The following TRPC7 variants were observed in gnomAD, a reference collection of about 807,000 sequenced individuals.
The protein encoded by TRPC7 is short transient receptor potential channel 7.
Under a neutral mutation model 90.1 loss-of-function variants are expected in TRPC7, and 42 were observed. That is an observed-to-expected ratio of 0.47 (90% CI 0.36 to 0.60). TRPC7 has a LOEUF of 0.60. Ranked by LOEUF, TRPC7 falls within the 20% of genes least tolerant of loss-of-function variation. TRPC7 has a pLI of 0.00. For synonymous variants in TRPC7, 451 were observed against 436.3 expected, an observed-to-expected ratio of 1.03 and a Z score of -0.42; for missense variants, 955 against 1,112.3, an observed-to-expected ratio of 0.86 and a Z score of 2.01.
chr5:136,321,625 A>G (rs938457231), intron 2 of TRPC7, among the ~76,000 whole-genome samples: 2 of 152,210 alleles, frequency 1.3e-5, no homozygotes, highest in Non-Finnish European at 2.9e-5. Context: ...GGCAATTTAC[A>G]TGATTTCAAA....
chr5:136,343,926 G>A (rs1759924419), intron 2 of TRPC7, among the ~76,000 whole-genome samples: 1 of 152,162 alleles, frequency 6.6e-6, no homozygotes, highest in African/African-American at 2.4e-5. Context: ...AAGCATTATT[G>A]TGTATATACC....
At chr5:136,319,237 A>G (rs1249554036) in intron 2 of TRPC7, among the ~76,000 whole-genome samples, 1 of 152,086 alleles carries the variant, frequency 6.6e-6, no homozygotes, top group Non-Finnish European at 1.5e-5. Context: ...GAAAAGTCCC[A>G]CATGTTCACA....
intron 7 of TRPC7, among the ~76,000 whole-genome samples, chr5:136,239,755 C>T (rs1403827984): frequency 1.3e-5 from 2 of 152,266 alleles, no homozygotes; most frequent in Non-Finnish European, 1.5e-5. Context: ...ATCTATCTAG[C>T]TCAGCTCCTT....
intron 2 of TRPC7, among the ~76,000 whole-genome samples, chr5:136,341,073 A>G (rs1759828835): frequency 1.3e-5 from 2 of 152,210 alleles, no homozygotes; most frequent in Admixed American, 1.3e-4. Context: ...TCAATCTCTT[A>G]TATAGTTTTC....
At chr5:136,344,433 T>C (rs1187209562) in intron 2 of TRPC7, among the ~76,000 whole-genome samples, 1 of 152,126 alleles carries the variant, frequency 6.6e-6, no homozygotes, top group Non-Finnish European at 1.5e-5. Context: ...GAACCTAAAA[T>C]AAAAGTTAAA....
chr5:136,334,781 A>T (rs1488231719), intron 2 of TRPC7, among the ~76,000 whole-genome samples: 1 of 152,244 alleles, frequency 6.6e-6, no homozygotes, highest in Admixed American at 6.5e-5. Flanking sequence ...ACATACTCTG[A>T]GTCAAGTATC....
rs775142451 is a variant in TRPC7, at chr5:136,296,663, C to T, written c.963+18934G>A. 2.7e-4 allele frequency among the ~76,000 whole-genome samples: 41 copies of T among 151,922 alleles called. 1 individual carries two copies. Among genetic ancestry groups the T allele is most frequent in the African/African-American group, 6.5e-4 (27 of 41,330 alleles). ...ATTATTTACCCTATAGCTGTATGTA[C>T]GTAAATACATGTCTGCAAATGGGAA... On this transcript the variant is annotated intron_variant, in intron 3 of 11. Coordinates refer to ENST00000513104, the MANE Select transcript of TRPC7 (RefSeq NM_020389.3).
chr5:136,307,964 A>T (rs1758700987), intron 3 of TRPC7, among the ~76,000 whole-genome samples: 1 of 152,172 alleles, frequency 6.6e-6, no homozygotes, highest in Non-Finnish European at 1.5e-5. Context: ...TGGATGAGAA[A>T]ATCAAGGCCC....
Position 136,357,146 on chromosome 5 carries a change from G to A in TRPC7, c.242C>T (p.Ala81Val), listed in dbSNP as rs1760413985. 1.2e-6 allele frequency: 2 copies of A among 1,614,136 alleles called. No homozygotes were observed. Among genetic ancestry groups the A allele is most frequent in the African/African-American group, 1.3e-5 (1 of 75,074 alleles). ...CTCGTTGCCCACGGCCAGCTGCAGA[G>A]CGTTCTGCCCCATGTAGTCCACACA... ...FNCVDYMGQN[A>V]LQLAVGNEHL... Residue 81 changes from alanine to valine, a missense_variant, in exon 2 of 12, where the codon GCT becomes GTT. Transcript: ENST00000513104.
rs376573753 is a variant in TRPC7 at position 136,344,771 on chromosome 5, C to G, written c.780+11837G>C. 4.9e-4 allele frequency among the ~76,000 whole-genome samples: 74 copies of G among 152,242 alleles called. No individual in the cohort carries two copies. The East Asian group carries it at 0.014, about 28-fold the overall frequency. On this transcript the variant is annotated intron_variant, in intron 2 of 11. Coordinates refer to ENST00000513104, the MANE Select transcript of TRPC7 (RefSeq NM_020389.3). ...GGGGGTATAGGGATGTTCTTTGCAG[C>G]CTCCTTTGTGGTAACAACAAGTGAG...
intron 3 of TRPC7, among the ~76,000 whole-genome samples, chr5:136,289,597 G>A (rs1561703387): frequency 6.6e-6 from 1 of 152,254 alleles, no homozygotes. Context: ...GGCTGGGGGA[G>A]GGGCGCCTGC....
intron 10 of TRPC7, among the ~76,000 whole-genome samples, chr5:136,218,317 GA>G (rs964380799): frequency 8.1e-5 from 12 of 147,556 alleles, no homozygotes; most frequent in African/African-American, 7.4e-5. Context: ...TAGTTCTCAT[GA>G]AAAAAAAAAT....
chr5:136,257,363 A>G (rs1294738256), intron 5 of TRPC7, among the ~76,000 whole-genome samples: 1 of 151,798 alleles, frequency 6.6e-6, no homozygotes, highest in Non-Finnish European at 1.5e-5. Flanking sequence ...TTGTATTTTT[A>G]GTAGAGACGA....
chr5:136,219,950 C>T (rs552217564), intron 10 of TRPC7, among the ~76,000 whole-genome samples: 1 of 152,168 alleles, frequency 6.6e-6, no homozygotes, highest in African/African-American at 2.4e-5. Flanking sequence ...AAGTCAGGGA[C>T]CCTGAATGGA....
chr5:136,245,523 GA>G (rs1336476047), intron 7 of TRPC7, among the ~76,000 whole-genome samples: 2 of 152,186 alleles, frequency 1.3e-5, no homozygotes, highest in Admixed American at 6.5e-5. Flanking sequence ...ATTGCTCAGG[GA>G]GTCTGAGGGG....
intron 5 of TRPC7, among the ~76,000 whole-genome samples, chr5:136,260,410 C>T (rs1024765758): frequency 1.8e-4 from 27 of 151,912 alleles, no homozygotes; most frequent in African/African-American, 5.1e-4. Flanking sequence ...CCTCACTCTG[C>T]GGAGGATACT....
At chr5:136,244,685 T>C (rs1168236467) in intron 7 of TRPC7, among the ~76,000 whole-genome samples, 1 of 152,244 alleles carries the variant, frequency 6.6e-6, no homozygotes, top group Non-Finnish European at 1.5e-5. Flanking sequence ...CCATGTTCAG[T>C]AGCAATGCAT....
Position 136,229,402 on chromosome 5 carries a change from G to T in TRPC7, c.2040+1952C>A, listed in dbSNP as rs115242985. 9.0e-3 allele frequency among the ~76,000 whole-genome samples: 1,373 copies of T among 152,172 alleles called. 13 individuals carry two copies. The highest frequency in any genetic ancestry group is 0.031 in the African/African-American group (1,306 of 41,514). On this transcript the variant is annotated intron_variant, in intron 8 of 11. Transcript: ENST00000513104. ...CATAGAGTACTCTTTTTTGGGGAGG[G>T]TATCATAGACTGAATTGTGTCCCCC...
chr5:136,252,884 C>G (rs903791260), intron 5 of TRPC7, among the ~76,000 whole-genome samples: 1 of 152,202 alleles, frequency 6.6e-6, no homozygotes, highest in Non-Finnish European at 1.5e-5. Context: ...GTTGGCGGCC[C>G]AGGGGTTGGG....
Sources: allele counts gnomAD v4.1 joint callset (sites outside exome capture counted in the v4.1 genomes callset), GRCh38; gene constraint gnomAD v4.1.1; transcripts MANE v1.5; gene names NCBI Gene and HGNC (gene_info 2026-07-23, HGNC 2026-07-21).